The following CNTN5 variants were observed in gnomAD, a reference collection of about 807,000 sequenced individuals.
CNTN5 encodes the protein contactin 5.
Under a neutral mutation model 129.1 loss-of-function variants are expected in CNTN5, and 77 were observed. That is an observed-to-expected ratio of 0.60 (90% confidence interval 0.50 to 0.72). CNTN5 has a LOEUF of 0.72. Ranked by LOEUF, CNTN5 falls within the 30% of genes least tolerant of loss-of-function variation. CNTN5 has a pLI of 0.00. For synonymous variants in CNTN5, 509 were observed against 465.6 expected, an observed-to-expected ratio of 1.09 and a Z score of -1.20; for missense variants, 1,478 against 1,328.8, an observed-to-expected ratio of 1.11 and a Z score of -1.75.
At chr11:99,208,002 A>G (rs1375731888) in intron 1 of CNTN5, among the ~76,000 whole-genome samples, 1 of 152,198 alleles carries the variant, frequency 6.6e-6, no homozygotes, top group Non-Finnish European at 1.5e-5. Flanking sequence ...TTAGTTTCAC[A>G]GTTGTGTTTA....
chr11:100,337,618 C>A, intron 21 of CNTN5: 2 of 711,346 alleles, frequency 2.8e-6, no homozygotes, highest in Non-Finnish European at 5.3e-6. Context: ...TCCACAGATG[C>A]AGAATAACGG....
chr11:99,242,175 C>CA (rs1294601102), intron 1 of CNTN5, among the ~76,000 whole-genome samples: 3 of 151,954 alleles, frequency 2.0e-5, no homozygotes, highest in East Asian at 1.9e-4. Flanking sequence ...TTATTGGTAG[C>CA]AAAAAAATAA....
intron 8 of CNTN5, among the ~76,000 whole-genome samples, chr11:99,989,379 T>G (rs892614818): frequency 6.6e-6 from 1 of 152,188 alleles, no homozygotes; most frequent in Admixed American, 6.5e-5. Context: ...AATCCTAATT[T>G]GTTGAATATT....
chr11:100,244,170 T>C (rs1415125000), intron 16 of CNTN5, among the ~76,000 whole-genome samples: 3 of 152,216 alleles, frequency 2.0e-5, no homozygotes, highest in Admixed American at 6.5e-5. Context: ...TTATGGACTC[T>C]TGGTTCTCTG....
chr11:99,607,389 C>G (rs1462483872), intron 3 of CNTN5, among the ~76,000 whole-genome samples: 1 of 148,510 alleles, frequency 6.7e-6, no homozygotes, highest in African/African-American at 2.5e-5. Context: ...CAAATCAAAA[C>G]CACTGTGAGA....
At chr11:99,904,039 G>T (rs796722364) in intron 6 of CNTN5, among the ~76,000 whole-genome samples, 3 of 152,116 alleles carry the variant, frequency 2.0e-5, no homozygotes, top group African/African-American at 7.2e-5. Context: ...TAGAGAAAGG[G>T]GAACTCTTTT....
chr11:100,195,824 A>C (rs574360686), intron 15 of CNTN5, among the ~76,000 whole-genome samples: 1 of 152,144 alleles, frequency 6.6e-6, no homozygotes, highest in Admixed American at 6.6e-5. Flanking sequence ...ATTGTATGAC[A>C]ATAAAAAGGC....
chr11:100,084,788 C>T (rs527237984), intron 13 of CNTN5, among the ~76,000 whole-genome samples: 53 of 152,038 alleles, frequency 3.5e-4, no homozygotes, highest in African/African-American at 1.2e-3. Context: ...TTCAAGATAC[C>T]AATATGATTT....
intron 13 of CNTN5, among the ~76,000 whole-genome samples, chr11:100,085,782 C>G (rs1409219997): frequency 6.6e-6 from 1 of 151,994 alleles, no homozygotes; most frequent in Non-Finnish European, 1.5e-5. Context: ...AAAATGAGAG[C>G]GTCCTAATTC....
At chr11:99,193,677 C>T (rs1858756196) in intron 1 of CNTN5, among the ~76,000 whole-genome samples, 1 of 152,150 alleles carries the variant, frequency 6.6e-6, no homozygotes, top group Admixed American at 6.5e-5. Context: ...ATTTACAATG[C>T]TCAAATCCTG....
At chr11:99,903,879 A>T (rs1356967540) in intron 6 of CNTN5, among the ~76,000 whole-genome samples, 1 of 152,172 alleles carries the variant, frequency 6.6e-6, no homozygotes, top group Non-Finnish European at 1.5e-5. Context: ...GATACCTATC[A>T]AAACAAGACA....
chr11:99,345,878 A>C (rs1937819304), intron 2 of CNTN5, among the ~76,000 whole-genome samples: 1 of 152,216 alleles, frequency 6.6e-6, no homozygotes, highest in Non-Finnish European at 1.5e-5. Flanking sequence ...CAAAGGTAAG[A>C]GTAAGTAGAA....
intron 16 of CNTN5, among the ~76,000 whole-genome samples, chr11:100,230,751 A>G (rs1289648703): frequency 6.6e-6 from 1 of 152,256 alleles, no homozygotes; most frequent in Non-Finnish European, 1.5e-5. Context: ...ATCTCCGTCA[A>G]CTGACTGAGA....
At chr11:100,226,179 C>T (rs1949372377) in intron 16 of CNTN5, among the ~76,000 whole-genome samples, 1 of 152,158 alleles carries the variant, frequency 6.6e-6, no homozygotes, top group East Asian at 1.9e-4. Flanking sequence ...CTCTTTGTGC[C>T]TTCTGAAGTT....
chr11:99,306,082 T>C (rs1428262278), intron 1 of CNTN5, among the ~76,000 whole-genome samples: 2 of 152,180 alleles, frequency 1.3e-5, no homozygotes, highest in African/African-American at 4.8e-5. Context: ...TCTTGAAATG[T>C]TGAAATTTTA....
intron 2 of CNTN5, among the ~76,000 whole-genome samples, chr11:99,410,467 C>T (rs182038625): frequency 1.3e-5 from 2 of 152,164 alleles, no homozygotes; most frequent in Admixed American, 6.5e-5. Context: ...AAATAACATG[C>T]TAGATGCCTG....
intron 13 of CNTN5, among the ~76,000 whole-genome samples, chr11:100,177,068 G>C (rs752458979): frequency 6.6e-6 from 1 of 151,988 alleles, no homozygotes; most frequent in Non-Finnish European, 1.5e-5. Context: ...GGAAAAGAGT[G>C]ATCAGATTTG....
intron 16 of CNTN5, among the ~76,000 whole-genome samples, chr11:100,236,573 TG>T (rs1354936380): frequency 6.6e-6 from 1 of 152,202 alleles, no homozygotes; most frequent in African/African-American, 2.4e-5. Flanking sequence ...GAAAACAATT[TG>T]GGTTTTTCTC....
At chr11:99,870,617 G>A (rs1948479487) in intron 6 of CNTN5, among the ~76,000 whole-genome samples, 2 of 152,082 alleles carry the variant, frequency 1.3e-5, no homozygotes, top group South Asian at 4.1e-4. Flanking sequence ...ATCAATGGTA[G>A]ACATAGACCT....
Sources: allele counts gnomAD v4.1 joint callset (sites outside exome capture counted in the v4.1 genomes callset), GRCh38; gene constraint gnomAD v4.1.1; transcripts MANE v1.5; gene names NCBI Gene and HGNC (gene_info 2026-07-23, HGNC 2026-07-21).